Variants in CRADD observed in about 807,000 individuals in gnomAD.
CRADD encodes the protein CARD and death domain containing adaptor protein.
Under a neutral mutation model 15.5 loss-of-function variants are expected in CRADD, and 9 were observed. The observed-to-expected ratio is 0.58, with a 90% confidence interval of 0.35 to 1.01. The LOEUF is 1.01. Ranked by LOEUF, CRADD falls within the 50% of genes least tolerant of loss-of-function variation. The pLI is 0.02. For synonymous variants in CRADD, 118 were observed against 107.6 expected, an observed-to-expected ratio of 1.10 and a Z score of -0.60; for missense variants, 227 against 250.3, an observed-to-expected ratio of 0.91 and a Z score of 0.63.
At chr12:93,763,999 T>C (rs1408959813) in intron 2 of CRADD, among the ~76,000 whole-genome samples, 1 of 152,182 alleles carries the variant, frequency 6.6e-6, no homozygotes, top group East Asian at 1.9e-4. Context: ...AGGGTATGAC[T>C]GGTTCAGGGA....
intron 2 of CRADD, among the ~76,000 whole-genome samples, chr12:93,757,861 G>A (rs867617149): frequency 2.2e-4 from 33 of 152,298 alleles, no homozygotes; most frequent in Middle Eastern, 3.4e-3. Context: ...GATTGTAGAG[G>A]ATCCAGGAGG....
At chr12:93,889,858 G>C (rs1006289921) in intron 2 of CRADD, among the ~76,000 whole-genome samples, 1 of 152,132 alleles carries the variant, frequency 6.6e-6, no homozygotes, top group African/African-American at 2.4e-5. Context: ...AGGGCTTGGG[G>C]CTTTGTTTTG....
downstream of CRADD, among the ~76,000 whole-genome samples, chr12:93,855,739 A>G (rs537248187): frequency 6.6e-6 from 1 of 152,386 alleles, no homozygotes; most frequent in Non-Finnish European, 1.5e-5. Flanking sequence ...GATGAAAGGT[A>G]TAACATGCTT....
chr12:93,796,084 T>C (rs1254509972), intron 2 of CRADD, among the ~76,000 whole-genome samples: 2 of 152,212 alleles, frequency 1.3e-5, no homozygotes, highest in African/African-American at 4.8e-5. Context: ...ATAATAGCTA[T>C]CTATGTCTAT....
intron 2 of CRADD, among the ~76,000 whole-genome samples, chr12:93,809,018 G>T (rs547090685): frequency 6.6e-6 from 1 of 152,022 alleles, no homozygotes; most frequent in Non-Finnish European, 1.5e-5. Context: ...AGGTTCAAGC[G>T]ATTCTCCTGC....
In CRADD at chr12:93,809,645, G is replaced by A. The variant is rs1957596690; in HGVS notation, c.299-40325G>A. ...AGACCCCAAGGTCCAGTGTGTGCCA[G>A]TATGGCCTTACCCTCTTTACTGCCT... On this transcript the variant is annotated intron_variant, in intron 2 of 2. Coordinates refer to ENST00000332896, the MANE Select transcript of CRADD (RefSeq NM_003805.5). Among the ~76,000 whole-genome samples, 3 of 152,352 alleles carry A rather than the reference G, an allele frequency of 2.0e-5. No homozygotes were observed. The South Asian group carries it at 6.2e-4, about 32-fold the overall frequency.
In CRADD at chr12:93,698,360, G is replaced by A. The variant is rs544228453; in HGVS notation, c.298+19288G>A. 6.3e-4 allele frequency among the ~76,000 whole-genome samples: 96 copies of A among 152,330 alleles called. 2 individuals are homozygous for A. The South Asian group carries it at 0.015, about 23-fold the overall frequency. On this transcript the variant is annotated intron_variant, in intron 2 of 2. Coordinates refer to ENST00000332896, the MANE Select transcript of CRADD (RefSeq NM_003805.5). The stretch of plus-strand genomic sequence containing the variant: ...AATTTAGAAGATTACGAGTATGTGT[G>A]TGTTTAACAAAGTATATATACTTTT...
chr12:93,747,115 C>T (rs1956764899), intron 2 of CRADD, among the ~76,000 whole-genome samples: 1 of 151,924 alleles, frequency 6.6e-6, no homozygotes, highest in Non-Finnish European at 1.5e-5. Context: ...AATAAAAAGG[C>T]ACTAGTATTA....
intron 2 of CRADD, among the ~76,000 whole-genome samples, chr12:93,799,771 G>T (rs1957457477): frequency 6.6e-6 from 1 of 152,164 alleles, no homozygotes; most frequent in Admixed American, 6.5e-5. Context: ...TGCTGTAGGG[G>T]TATAGACAGA....
chr12:93,814,558 G>T lies in CRADD; in HGVS notation c.299-35412G>T, dbSNP rs184625460. 2.0e-5 allele frequency among the ~76,000 whole-genome samples: 3 copies of T among 152,336 alleles called. No individual in the cohort carries two copies. The East Asian group carries it at 5.8e-4, about 29-fold the overall frequency. On this transcript the variant is annotated intron_variant, in intron 2 of 2. Transcript: ENST00000332896. Reference sequence around the variant, plus strand: ...CGAGGGTCTGAAAGTAAACACTGCAGTTAGAATCAGAAGTGTTGCAACTAG... The same window carrying T: ...CGAGGGTCTGAAAGTAAACACTGCATTTAGAATCAGAAGTGTTGCAACTAG...
intron 2 of CRADD, among the ~76,000 whole-genome samples, chr12:93,720,018 G>A (rs556819540): frequency 6.6e-6 from 1 of 152,070 alleles, no homozygotes; most frequent in South Asian, 2.1e-4. Flanking sequence ...TTCTAAAGGG[G>A]AAAACTTGGG....
At chr12:93,799,680 G>T (rs1404093995) in intron 2 of CRADD, among the ~76,000 whole-genome samples, 2 of 152,138 alleles carry the variant, frequency 1.3e-5, no homozygotes, top group Non-Finnish European at 2.9e-5. Flanking sequence ...ATGAAATAAT[G>T]ACTGTTTTAT....
chr12:93,765,848 G>GT (rs60407621), intron 2 of CRADD, among the ~76,000 whole-genome samples: 59,665 of 149,192 alleles, frequency 0.4, 12,747 homozygotes, highest in East Asian at 0.78. Context: ...GTTTTATTAA[G>GT]TTTTTTTTTT....
At chr12:93,889,883 C>T (rs931198963) in intron 2 of CRADD, among the ~76,000 whole-genome samples, 2 of 152,120 alleles carry the variant, frequency 1.3e-5, no homozygotes, top group African/African-American at 4.8e-5. Context: ...TGTCTCAGAG[C>T]AGTGAGATTA....
intron 2 of CRADD, among the ~76,000 whole-genome samples, chr12:93,755,758 G>T (rs376569436): frequency 6.6e-6 from 1 of 152,146 alleles, no homozygotes; most frequent in Non-Finnish European, 1.5e-5. Context: ...AGTTTGCTCC[G>T]CAGAGCCCCT....
intron 2 of CRADD, among the ~76,000 whole-genome samples, chr12:93,794,427 ACT>A (rs371047855): frequency 1.3e-5 from 2 of 151,968 alleles, no homozygotes; most frequent in African/African-American, 4.8e-5. Context: ...AGTAAATAAC[ACT>A]GTTATATATC....
At chr12:93,857,750 G>C (rs1331193195) in intron 2 of CRADD, among the ~76,000 whole-genome samples, 3 of 152,178 alleles carry the variant, frequency 2.0e-5, no homozygotes, top group Non-Finnish European at 4.4e-5. Context: ...CATGGCAAGA[G>C]GGGGAGCAAG....
chr12:93,747,642 A>G (rs1956774960), intron 2 of CRADD, among the ~76,000 whole-genome samples: 1 of 151,858 alleles, frequency 6.6e-6, no homozygotes, highest in South Asian at 2.1e-4. Flanking sequence ...TAATTTTTGT[A>G]TTTTTAGTAG....
At chr12:93,873,190 T>C (rs1958434829) in intron 2 of CRADD, among the ~76,000 whole-genome samples, 1 of 152,074 alleles carries the variant, frequency 6.6e-6, no homozygotes, top group Admixed American at 6.6e-5. Context: ...GGATTACTTT[T>C]TTCATTTCTT....
Sources: allele counts gnomAD v4.1 joint callset (sites outside exome capture counted in the v4.1 genomes callset), GRCh38; gene constraint gnomAD v4.1.1; transcripts MANE v1.5; gene names NCBI Gene and HGNC (gene_info 2026-07-23, HGNC 2026-07-21).